The following KDM1A variants were observed in gnomAD, a reference collection of about 807,000 sequenced individuals.
KDM1A encodes the protein lysine demethylase 1A, also known as lysine-specific histone demethylase 1A.
In KDM1A, 49 loss-of-function variants were observed where a neutral mutation model predicts 109.4. The ratio of observed to expected loss-of-function variants is 0.45; its 90% CI spans 0.36 to 0.57. The LOEUF (loss-of-function observed/expected upper bound fraction) is 0.57. KDM1A is among the 20% of genes least tolerant of loss of function. The pLI is 0.00. For synonymous variants in KDM1A, 380 were observed against 415.4 expected (o/e 0.91, Z 1.04); for missense variants, 668 against 1,116.6 (o/e 0.60, Z 5.73).
Position 23,057,501 on chromosome 1 carries a change from A to C in KDM1A, c.1008A>C (p.Arg336=). The C allele has an allele frequency of 6.2e-7, 1 of 1,613,872 alleles. No individual in the cohort carries two copies. Among genetic ancestry groups the C allele is most frequent in the South Asian group, 1.1e-5 (1 of 91,084 alleles). Residue 336 remains arginine, a synonymous_variant, in exon 8 of 21, where the codon CGA becomes CGC. Transcript: ENST00000400181. ...TGAAACAGGATCGTGTGGGTGGACG[A>C]GTTGCCACATTTCGCAAAGGAAACT... ...LLEARDRVGG[R]VATFRKGNYV...
intron 2 of KDM1A, among the ~76,000 whole-genome samples, chr1:23,042,440 A>ATTATTATAATTTTTTTTT (rs1553127465): frequency 4.6e-5 from 1 of 21,560 alleles, no homozygotes; most frequent in East Asian, 1.7e-3. Context: ...GAAATATATT[A>ATTATTATAATTTTTTTTT]TTTTTTTTTT....
chr1:23,042,853 A>AT (rs1481796437), intron 2 of KDM1A, among the ~76,000 whole-genome samples: 1 of 151,964 alleles, frequency 6.6e-6, no homozygotes, highest in African/African-American at 2.4e-5. Context: ...GGTTCAAGTG[A>AT]TTCTCCTGCC....
rs751639569 is a variant in KDM1A, at chr1:23,078,975, A to G, written c.1868-15A>G. On this transcript the variant is annotated splice_polypyrimidine_tract_variant and intron_variant, in intron 16 of 20. Coordinates refer to ENST00000400181, the MANE Select transcript of KDM1A (RefSeq NM_001009999.3). The stretch of plus-strand genomic sequence containing the variant: ...TATTCATCACCACTAGTCTTTTCCC[A>G]CCCAACCTCTGCAGGATGTGAAGTG... 1 of 1,608,694 alleles carries G rather than the reference A, an allele frequency of 6.2e-7. No individual in the cohort carries two copies. Among genetic ancestry groups the G allele is most frequent in the Non-Finnish European group, 8.5e-7 (1 of 1,176,168 alleles).
rs1200949315 is a variant in KDM1A, at chr1:23,072,136, T to C, written c.1561T>C (p.Leu521=). 2.5e-6 allele frequency: 4 copies of C among 1,608,196 alleles called. No individual in the cohort carries two copies. Among genetic ancestry groups the C allele is most frequent in the Non-Finnish European group, 3.4e-6 (4 of 1,176,442 alleles). The change falls in exon 14 of 21, where the codon TTA becomes CTA. Residue 521 remains leucine (L), a synonymous_variant. Coordinates refer to ENST00000400181, the MANE Select transcript of KDM1A (RefSeq NM_001009999.3). The part of the protein sequence containing the change: ...LTALCKEYDE[L]AETQGKLEEK... ...TAATTTTTATCAGGAATATGATGAA[T>C]TAGCTGAAACACAAGGAAAGCTAGA... is the stretch of plus-strand genomic sequence containing the variant.
rs1642795490 is a variant in KDM1A, at chr1:23,055,216, G to T, written c.883+55G>T. Reference sequence around the variant, plus strand: ...TTACATTTTTAAGTTACGGTTTCAGGACTGTATTTTATATCTATGATGACG... The same window carrying T: ...TTACATTTTTAAGTTACGGTTTCAGTACTGTATTTTATATCTATGATGACG... On this transcript the variant is annotated intron_variant, in intron 6 of 20. Transcript: ENST00000400181. 5 of 1,019,210 alleles carry T rather than the reference G, an allele frequency of 4.9e-6. No individual in the cohort carries two copies. In the Admixed American group the frequency reaches 6.7e-5, roughly 14 times the overall value. 63.1% of individuals were successfully genotyped at this position (1,019,210 alleles called of 1,614,324 possible).
At chr1:23,077,472 A>C in intron 16 of KDM1A, 112 bp downstream of exon 16, 1 of 1,158,304 alleles carries the variant, frequency 8.6e-7, no homozygotes, top group South Asian at 1.9e-5. Context: ...ATGACACCAT[A>C]GGTAAAAATT....
intron 12 of KDM1A, among the ~76,000 whole-genome samples, chr1:23,070,372 G>C (rs548954202): frequency 6.6e-6 from 1 of 152,158 alleles, no homozygotes; most frequent in Non-Finnish European, 1.5e-5. Context: ...TCAGGAGGCT[G>C]AGGCATGAGA....
chr1:23,063,546 T>G (rs539559241), intron 9 of KDM1A, among the ~76,000 whole-genome samples: 2 of 152,214 alleles, frequency 1.3e-5, no homozygotes, highest in African/African-American at 4.8e-5. Flanking sequence ...AATATCTTTA[T>G]GACAGTCTTT....
At chr1:23,064,008 T>G (rs1158404950) in intron 9 of KDM1A, among the ~76,000 whole-genome samples, 1 of 152,180 alleles carries the variant, frequency 6.6e-6, no homozygotes, top group Non-Finnish European at 1.5e-5. Flanking sequence ...CCCCTCAGCC[T>G]CGTGAGTAGC....
At chr1:23,046,458 A>C (rs1019780594) in intron 3 of KDM1A, among the ~76,000 whole-genome samples, 2 of 152,130 alleles carry the variant, frequency 1.3e-5, no homozygotes, top group Non-Finnish European at 2.9e-5. Context: ...AGTTATAGTT[A>C]TCTACTTGAT....
Position 23,020,002 on chromosome 1 carries a change from G to T in KDM1A, c.351+55G>T, listed in dbSNP as rs532900028. On this transcript the variant is annotated intron_variant, in intron 1 of 20. Coordinates refer to ENST00000400181, the MANE Select transcript of KDM1A (RefSeq NM_001009999.3). ...CCGCCTGGTGCCGAGCTTCCCCGAG[G>T]CTTCTCCGCCCTCCCCCGCCGCCGC... is the stretch of plus-strand genomic sequence containing the variant. 3.6e-5 allele frequency: 50 copies of T among 1,403,192 alleles called. No individual in the cohort carries two copies. In the African/African-American group the frequency reaches 7.4e-4, roughly 21 times the overall value. The allele number at this position is 1,403,192 out of a possible 1,614,324, so 86.9% of individuals were successfully genotyped here.
At chr1:23,078,236 GAGA>G (rs1435847525) in intron 16 of KDM1A, among the ~76,000 whole-genome samples, 2 of 152,198 alleles carry the variant, frequency 1.3e-5, no homozygotes, top group African/African-American at 4.8e-5. Flanking sequence ...TGACAGTGCT[GAGA>G]AGATCTGCAG....
At chr1:23,030,035 A>T (rs1470911666) in intron 1 of KDM1A, among the ~76,000 whole-genome samples, 4 of 152,114 alleles carry the variant, frequency 2.6e-5, no homozygotes, top group Non-Finnish European at 5.9e-5. Flanking sequence ...GGTTTTTGGA[A>T]TTTTTTTGCT....
At chr1:23,045,465 G>C (rs1196072881) in intron 3 of KDM1A, among the ~76,000 whole-genome samples, 1 of 152,168 alleles carries the variant, frequency 6.6e-6, no homozygotes, top group Non-Finnish European at 1.5e-5. Context: ...GCTGTCCCAA[G>C]GATTGCAGGT....
At chr1:23,061,535 C>T (rs1206458535) in intron 9 of KDM1A, among the ~76,000 whole-genome samples, 3 of 152,166 alleles carry the variant, frequency 2.0e-5, no homozygotes, top group Non-Finnish European at 4.4e-5. Context: ...GGAAGGGATT[C>T]TTTGCAGCTT....
intron 9 of KDM1A, among the ~76,000 whole-genome samples, chr1:23,061,566 T>TA (rs778191885): frequency 1.3e-5 from 2 of 152,172 alleles, no homozygotes; most frequent in Non-Finnish European, 2.9e-5. Context: ...TTGCCTTAGT[T>TA]AATCAAACAT....
At chr1:23,041,009 C>T (rs1642312292) in intron 2 of KDM1A, among the ~76,000 whole-genome samples, 1 of 152,148 alleles carries the variant, frequency 6.6e-6, no homozygotes, top group African/African-American at 2.4e-5. Context: ...GTGTCCTGAG[C>T]CACTATCAGA....
rs113289593 is a variant in KDM1A, at chr1:23,025,447, C to T, written c.352-5022C>T. On this transcript the variant is annotated intron_variant, in intron 1 of 20. Coordinates refer to ENST00000400181, the MANE Select transcript of KDM1A (RefSeq NM_001009999.3). Reference sequence around the variant, plus strand: ...CCGGGTTCAAGCAATTCTTCTGCCTCAGCCCTCAGAGTAGCTGGGATTACA... The same window carrying T: ...CCGGGTTCAAGCAATTCTTCTGCCTTAGCCCTCAGAGTAGCTGGGATTACA... Among the ~76,000 whole-genome samples the T allele has an allele frequency of 4.6e-5, 7 of 151,722 alleles. No homozygotes were observed. In the East Asian group the frequency reaches 1.2e-3, roughly 25 times the overall value.
At position 23,039,837 on chromosome 1, in the gene KDM1A, T is replaced by C. The variant is rs776500227; in HGVS notation, c.518-4590T>C. Among the ~76,000 whole-genome samples, 58 of 152,252 alleles carry C rather than the reference T, an allele frequency of 3.8e-4. 1 individual carries two copies. Among genetic ancestry groups the C allele is most frequent in the Non-Finnish European group, 6.5e-4 (44 of 68,048 alleles). Reference sequence around the variant, plus strand: ...AAAGTTTCCTTGTAGGTATTTTTCATCTTTTCTCAACTAGATTATAAGCTT... The same window carrying C: ...AAAGTTTCCTTGTAGGTATTTTTCACCTTTTCTCAACTAGATTATAAGCTT... On this transcript the variant is annotated intron_variant, in intron 2 of 20. Transcript: ENST00000400181.
Sources: gnomAD v4.1 joint callset for allele counts (sites outside exome capture counted in the v4.1 genomes callset) on GRCh38, gnomAD v4.1.1 for gene constraint, MANE v1.5 for transcripts, NCBI Gene and HGNC (gene_info 2026-07-23, HGNC 2026-07-21) for gene names.